Variants in KAZN observed in about 807,000 individuals in gnomAD.
KAZN encodes kazrin.
KAZN carries 40 observed loss-of-function variants against 87.4 expected under a neutral mutation model. That is an observed-to-expected ratio of 0.46 (90% CI 0.36 to 0.60). KAZN has a LOEUF of 0.60. KAZN is among the 20% of genes least tolerant of loss of function. KAZN has a pLI of 0.00. For missense variants in KAZN, 898 were observed against 1,073.9 expected (o/e 0.84, Z 2.29); for synonymous variants, 466 against 458.3 (o/e 1.02, Z -0.22).
At chr1:14,121,309 A>G (rs1175562274) in intron 1 of KAZN, among the ~76,000 whole-genome samples, 3 of 152,208 alleles carry the variant, frequency 2.0e-5, no homozygotes, top group African/African-American at 7.2e-5. Context: ...CACTACGGTG[A>G]ATGAAGCCTG....
chr1:14,427,572 T>C (rs80267003), intron 2 of KAZN, among the ~76,000 whole-genome samples: 19,146 of 151,476 alleles, frequency 0.13, 1,416 homozygotes, highest in South Asian at 0.19. Flanking sequence ...TAAAGGTACA[T>C]ATGTGTACAC....
intron 2 of KAZN, among the ~76,000 whole-genome samples, chr1:14,206,807 A>G (rs2100432254): frequency 6.6e-6 from 1 of 151,860 alleles, no homozygotes; most frequent in African/African-American, 2.4e-5. Flanking sequence ...ATAATATGCC[A>G]TAACGTGGCC....
intron 1 of KAZN, among the ~76,000 whole-genome samples, chr1:14,003,481 C>G (rs187995808): frequency 4.1e-4 from 63 of 151,812 alleles, no homozygotes; most frequent in African/African-American, 1.4e-3. Flanking sequence ...TACTAGATAC[C>G]AATTCCTATT....
intron 2 of KAZN, among the ~76,000 whole-genome samples, chr1:14,990,405 A>G (rs1301308988): frequency 1.3e-5 from 2 of 151,978 alleles, no homozygotes; most frequent in African/African-American, 2.4e-5. Context: ...TGTATTTTGT[A>G]TGGAGATGGG....
At chr1:14,404,725 T>C (rs1663690846) in intron 2 of KAZN, among the ~76,000 whole-genome samples, 1 of 152,200 alleles carries the variant, frequency 6.6e-6, no homozygotes, top group Admixed American at 6.5e-5. Context: ...GAGAATGAAG[T>C]ACTGAAAATT....
chr1:14,418,250 C>A (rs1439575478), intron 2 of KAZN, among the ~76,000 whole-genome samples: 2 of 152,014 alleles, frequency 1.3e-5, no homozygotes, highest in Non-Finnish European at 2.9e-5. Flanking sequence ...ATTTTTAACT[C>A]CACAAGTTCC....
chr1:15,028,007 T>C (rs1046400329), intron 2 of KAZN, among the ~76,000 whole-genome samples: 1 of 152,232 alleles, frequency 6.6e-6, no homozygotes, highest in Non-Finnish European at 1.5e-5. Context: ...GTGTCGTTTT[T>C]AGTTTGTCTC....
At chr1:14,220,979 C>T (rs1647083532) in intron 2 of KAZN, among the ~76,000 whole-genome samples, 1 of 152,138 alleles carries the variant, frequency 6.6e-6, no homozygotes, top group South Asian at 2.1e-4. Flanking sequence ...GCTTGTTCAT[C>T]CCACAAGCAT....
rs1640285026 is a variant in KAZN at position 14,011,145 on chromosome 1, T to C, written c.91+117389T>C. On this transcript the variant is annotated intron_variant, in intron 1 of 16. Transcript: ENST00000636203. ...TTCTTCCTTGGGTAGATATGAGATG[T>C]GCCCTTGGTGTCCCAGGATGGAATC... Among the ~76,000 whole-genome samples, 3 of 152,306 alleles carry C rather than the reference T, an allele frequency of 2.0e-5. No homozygotes were observed. In the South Asian group the frequency reaches 6.2e-4, roughly 32 times the overall value.
At chr1:14,390,305 A>C (rs1662306743) in intron 2 of KAZN, among the ~76,000 whole-genome samples, 1 of 152,216 alleles carries the variant, frequency 6.6e-6, no homozygotes, top group South Asian at 2.1e-4. Context: ...GACAGAAAAT[A>C]AGATTAAGAA....
chr1:13,965,384 G>A (rs1483878645), intron 1 of KAZN, among the ~76,000 whole-genome samples: 2 of 152,142 alleles, frequency 1.3e-5, no homozygotes, highest in African/African-American at 4.8e-5. Context: ...GCTTGAATAA[G>A]ATGCTGATGC....
At chr1:14,862,206 A>G (rs1400712267) in intron 1 of KAZN, among the ~76,000 whole-genome samples, 1 of 152,182 alleles carries the variant, frequency 6.6e-6, no homozygotes, top group Non-Finnish European at 1.5e-5. Context: ...TAATTAAAAC[A>G]CCACTTGACA....
intron 1 of KAZN, among the ~76,000 whole-genome samples, chr1:14,894,195 C>T (rs1655019819): frequency 6.6e-6 from 1 of 152,132 alleles, no homozygotes; most frequent in Non-Finnish European, 1.5e-5. Flanking sequence ...TAGCTCACCC[C>T]CATCTCCCCC....
rs543829035 is a variant in KAZN, at chr1:14,719,564, C to T, written c.226+120341C>T. ...GAGCAAAAATGAGAAAGAAGCCAGG[C>T]GTGGTGGCTCACACTTGTAATCCGA... is the stretch of plus-strand genomic sequence containing the variant. On this transcript the variant is annotated intron_variant, in intron 1 of 14. Coordinates refer to ENST00000376030, the MANE Select transcript of KAZN (RefSeq NM_201628.3). Among the ~76,000 whole-genome samples the T allele has an allele frequency of 1.7e-3, 260 of 152,312 alleles. 1 individual carries two copies. Among genetic ancestry groups the T allele is most frequent in the Non-Finnish European group, 3.0e-3 (205 of 68,032 alleles).
intron 2 of KAZN, among the ~76,000 whole-genome samples, chr1:14,270,815 A>G (rs1651862311): frequency 6.6e-6 from 1 of 152,030 alleles, no homozygotes; most frequent in South Asian, 2.1e-4. Flanking sequence ...ATATACTTCG[A>G]TCTTCCCTTC....
At chr1:14,631,454 C>A (rs1679557938) in intron 1 of KAZN, among the ~76,000 whole-genome samples, 1 of 152,200 alleles carries the variant, frequency 6.6e-6, no homozygotes. Context: ...GAAACTGAGC[C>A]TCAGAAAGGT....
At chr1:14,605,006 C>T (rs1348183548) in intron 1 of KAZN, among the ~76,000 whole-genome samples, 1 of 152,226 alleles carries the variant, frequency 6.6e-6, no homozygotes, top group Non-Finnish European at 1.5e-5. Context: ...CCCAATATTA[C>T]CTCTGCTCTA....
At chr1:14,130,489 T>G (rs1332208353) in intron 1 of KAZN, among the ~76,000 whole-genome samples, 1 of 152,174 alleles carries the variant, frequency 6.6e-6, no homozygotes, top group African/African-American at 2.4e-5. Context: ...ATGCATGCTG[T>G]TTCTGAAAAA....
rs188028667 is a variant in KAZN, at chr1:15,055,590, T to G, written c.727-501T>G. Among the ~76,000 whole-genome samples the G allele has an allele frequency of 2.6e-5, 4 of 152,320 alleles. No individual in the cohort carries two copies. The East Asian group carries it at 5.8e-4, about 22-fold the overall frequency. Reference sequence around the variant, plus strand: ...AGTTAACTTGACACAAATGCATCCATGTGACAAAAGTCAGACAGAACTGGG... The same window carrying G: ...AGTTAACTTGACACAAATGCATCCAGGTGACAAAAGTCAGACAGAACTGGG... On this transcript the variant is annotated intron_variant, in intron 4 of 14. Coordinates refer to ENST00000376030, the MANE Select transcript of KAZN (RefSeq NM_201628.3).
Sources: allele counts gnomAD v4.1 joint callset (sites outside exome capture counted in the v4.1 genomes callset), GRCh38; gene constraint gnomAD v4.1.1; transcripts MANE v1.5; gene names NCBI Gene and HGNC (gene_info 2026-07-23, HGNC 2026-07-21).